The following EML2 variants were observed in gnomAD, a reference collection of about 807,000 sequenced individuals.
EML2 encodes echinoderm microtubule-associated protein-like 2.
Under a neutral mutation model 84.7 loss-of-function variants are expected in EML2, and 59 were observed. The ratio of observed to expected loss-of-function variants is 0.70; its 90% CI spans 0.56 to 0.86. EML2 has a LOEUF of 0.86. Among genes scored for constraint, EML2 ranks in the 40% least tolerant of loss-of-function variants. The probability of loss-of-function intolerance (pLI) is 0.00; values close to 1 mark genes in which losing one functional copy is unlikely to be tolerated. For missense variants in EML2, 818 were observed against 855.6 expected (o/e 0.96, Z 0.55); for synonymous variants, 352 against 348.9 (o/e 1.01, Z -0.10).
Position 45,609,725 on chromosome 19 carries a change from C to T in EML2, c.1888G>A (p.Asp630Asn). The change falls in exon 19 of 19, where the codon GAC (aspartate) becomes AAC (asparagine). Residue 630 changes from aspartate (D) to asparagine (N), a missense_variant. Physicochemically the swap from Asp to Asn is conservative, Grantham distance 23. Coordinates refer to ENST00000245925, the MANE Select transcript of EML2 (RefSeq NM_012155.4). ...HVTNVAFLWD[D>N]SMALTTGGKD... ...CCCCCTGTGGTCAGGGCCATGCTGT[C>T]ATCCCACAAGAAGGCCACATTTGTC... is the stretch of plus-strand genomic sequence containing the variant. 1 of 1,613,778 alleles carries T rather than the reference C, an allele frequency of 6.2e-7. No homozygotes were observed.
At chr19:45,625,158 C>T (rs1290948474) in intron 8 of EML2, among the ~76,000 whole-genome samples, 3 of 152,188 alleles carry the variant, frequency 2.0e-5, no homozygotes, top group South Asian at 4.1e-4. Flanking sequence ...CTCCCCCTCC[C>T]GGGTTCAAAC....
At chr19:45,645,164 G>A, upstream of EML2, 2 of 1,239,226 alleles carry the variant, frequency 1.6e-6, no homozygotes, top group Non-Finnish European at 2.2e-6. Flanking sequence ...AGAAAAGGGG[G>A]ATCTTCAGCA....
rs750037044 is a variant in EML2 at position 45,621,629 on chromosome 19, G to A, written c.850C>T (p.Arg284Cys). The change falls in exon 10 of 19, where the codon CGT becomes TGT. Residue 284 changes from arginine to cysteine, a missense_variant. Coordinates refer to ENST00000245925, the MANE Select transcript of EML2 (RefSeq NM_012155.4). ...GCGCCCAGCACCGCCTGTGTGATAC[G>A]GTTCCCACCTGCAGGGTGGCCAGGG... ...NLYVWGKGGN[R>C]ITQAVLGAHD... 33 of 1,607,428 alleles carry A rather than the reference G, an allele frequency of 2.1e-5. No homozygotes were observed. The highest frequency in any genetic ancestry group is 3.3e-4 in the Middle Eastern group (2 of 6,078).
intron 3 of EML2, among the ~76,000 whole-genome samples, chr19:45,637,431 G>C (rs1973848926): frequency 6.6e-6 from 1 of 150,740 alleles, no homozygotes; most frequent in South Asian, 2.1e-4. Flanking sequence ...ACTTACAACA[G>C]TGTCTGTCAG....
intron 3 of EML2, among the ~76,000 whole-genome samples, chr19:45,636,794 A>G (rs1327500240): frequency 1.3e-5 from 2 of 152,236 alleles, no homozygotes; most frequent in Non-Finnish European, 2.9e-5. Flanking sequence ...TAAAAAACAC[A>G]CAAAAAAATT....
chr19:45,623,004 G>A (rs528832332), intron 9 of EML2, among the ~76,000 whole-genome samples: 9 of 141,610 alleles, frequency 6.4e-5, no homozygotes, highest in South Asian at 2.3e-4. Context: ...CTGAGATTGC[G>A]CCACTGCACC....
chr19:45,624,895 G>A (rs1303370962), intron 8 of EML2, 77 bp from the exon 9 acceptor site: 1 of 1,066,008 alleles, frequency 9.4e-7, no homozygotes, highest in Non-Finnish European at 1.4e-6. Flanking sequence ...TGTCACCCAG[G>A]ACCGTGGCCA....
At chr19:45,643,326 G>A (rs778051103), upstream of EML2, among the ~76,000 whole-genome samples, 17 of 152,206 alleles carry the variant, frequency 1.1e-4, no homozygotes, top group Non-Finnish European at 2.1e-4. Context: ...GGCAGCGCAT[G>A]GCAGACCCAG....
intron 11 of EML2, 80 bp from the exon 12 acceptor site, chr19:45,619,271 A>T (rs1437563157): frequency 6.7e-7 from 1 of 1,491,092 alleles, no homozygotes; most frequent in African/African-American, 1.4e-5. Flanking sequence ...GACAAATGCT[A>T]GATGAGCCCC....
chr19:45,638,246 A>C (rs189534704), intron 3 of EML2, among the ~76,000 whole-genome samples: 11 of 152,294 alleles, frequency 7.2e-5, no homozygotes, highest in African/African-American at 2.6e-4. Context: ...CTGGGGTTTG[A>C]ACCCATCTCT....
rs1246526933 is a variant in EML2, at chr19:45,619,110, G to A, written c.1204C>T (p.His402Tyr). The A allele has an allele frequency of 1.2e-6, 2 of 1,613,466 alleles. No individual in the cohort carries two copies. Among genetic ancestry groups the A allele is most frequent in the Non-Finnish European group, 8.5e-7 (1 of 1,179,874 alleles). The change falls in exon 12 of 19, where the codon CAT becomes TAT. Residue 402 changes from histidine (H) to tyrosine (Y), a missense_variant. Coordinates refer to ENST00000245925, the MANE Select transcript of EML2 (RefSeq NM_012155.4). ...TGGTGGGAATCTGAGCTCCATAGATGCACCAGCTTATCCTGCCCGCAGGTC... is the reference window on the plus strand; with the variant it reads ...TGGTGGGAATCTGAGCTCCATAGATACACCAGCTTATCCTGCCCGCAGGTC... The part of the protein sequence containing the change: ...FVTCGQDKLV[H>Y]LWSSDSHQPL...
chr19:45,645,198 A>G, upstream of EML2: 1 of 1,456,150 alleles, frequency 6.9e-7, no homozygotes, highest in East Asian at 2.5e-5. Flanking sequence ...GGGACTTGCA[A>G]GGAGGAGGCT....
upstream of EML2, among the ~76,000 whole-genome samples, chr19:45,643,097 C>A (rs1974731215): frequency 6.6e-6 from 1 of 152,216 alleles, no homozygotes; most frequent in Non-Finnish European, 1.5e-5. Flanking sequence ...CCAACCTACT[C>A]CTAATGACAC....
At chr19:45,641,519 C>A (rs1974496844), upstream of EML2, 8 of 974,790 alleles carry the variant, frequency 8.2e-6, no homozygotes, top group South Asian at 3.1e-5. Context: ...CTGGCACCGT[C>A]CCCGCTTTTG....
intron 9 of EML2, among the ~76,000 whole-genome samples, chr19:45,623,142 G>A (rs1371048763): frequency 2.6e-5 from 4 of 151,222 alleles, no homozygotes; most frequent in Non-Finnish European, 4.4e-5. Flanking sequence ...GGCGGATCAC[G>A]AGGTCAGGAG....
intron 1 of EML2, chr19:45,639,133 G>T: frequency 3.0e-6 from 2 of 666,460 alleles, no homozygotes; most frequent in Non-Finnish European, 5.3e-6. Flanking sequence ...GAAGAAGGGA[G>T]TCACCAAGGA....
At position 45,633,143 on chromosome 19, in the gene EML2, C is replaced by A. The variant is rs748473356; in HGVS notation, c.330-4G>T. 1 of 1,605,812 alleles carries A rather than the reference C, an allele frequency of 6.2e-7. No homozygotes were observed. Among genetic ancestry groups the A allele is most frequent in the South Asian group, 1.1e-5 (1 of 89,280 alleles). ...CATATCTGGGTGGATGGCCAAGCTG[C>A]GGAAAGAAGGGACAGAGAGACCAGG... On this transcript the variant is annotated splice_region_variant and splice_polypyrimidine_tract_variant and intron_variant, in intron 4 of 18. Coordinates refer to ENST00000245925, the MANE Select transcript of EML2 (RefSeq NM_012155.4).
chr19:45,621,361 G>A (rs768074221), intron 10 of EML2, 29 bp from the exon 11 acceptor site: 4 of 1,586,178 alleles, frequency 2.5e-6, no homozygotes, highest in Non-Finnish European at 3.4e-6. Flanking sequence ...GGGAAGATGA[G>A]TAGGATGCAC....
upstream of EML2, chr19:45,642,957 G>A (rs1974701890): frequency 6.9e-6 from 1 of 145,432 alleles, no homozygotes; most frequent in Non-Finnish European, 1.5e-5. Context: ...CTGCACTCCA[G>A]CCTGGCCACA....
Sources: gnomAD v4.1 joint callset for allele counts (sites outside exome capture counted in the v4.1 genomes callset) on GRCh38, gnomAD v4.1.1 for gene constraint, MANE v1.5 for transcripts, NCBI Gene and HGNC (gene_info 2026-07-23, HGNC 2026-07-21) for gene names.